TLK2: variants seen among roughly 807,000 people sequenced by gnomAD.
TLK2 encodes serine/threonine-protein kinase tousled-like 2.
Under a neutral mutation model 117.3 loss-of-function variants are expected in TLK2, and 6 were observed. The observed-to-expected ratio is 0.05, with a 90% CI of 0.03 to 0.10. The LOEUF (loss-of-function observed/expected upper bound fraction) is 0.10. TLK2 is among the 10% of genes least tolerant of loss of function. The pLI, the probability that TLK2 is intolerant of heterozygous loss-of-function variation, is 1.00. For missense variants in TLK2, 299 were observed against 901.2 expected, an observed-to-expected ratio of 0.33 and a Z score of 8.56; for synonymous variants, 257 against 316.7, an observed-to-expected ratio of 0.81 and a Z score of 2.00.
At chr17:62,509,337 C>T (rs2074969118) in intron 2 of TLK2, among the ~76,000 whole-genome samples, 1 of 152,174 alleles carries the variant, frequency 6.6e-6, no homozygotes, top group African/African-American at 2.4e-5. Context: ...AATCTTCCCT[C>T]CTCAGCCTCC....
chr17:62,609,546 A>G (rs2147309060), intron 21 of TLK2, among the ~76,000 whole-genome samples: 1 of 152,330 alleles, frequency 6.6e-6, no homozygotes, highest in African/African-American at 2.4e-5. Flanking sequence ...TTCCTGACTG[A>G]TGGCTCCCTG....
intron 15 of TLK2, among the ~76,000 whole-genome samples, chr17:62,581,614 T>G (rs914742814): frequency 6.6e-6 from 1 of 151,434 alleles, no homozygotes; most frequent in East Asian, 1.9e-4. Context: ...ATTTTTGTAT[T>G]TTTTTTTATA....
chr17:62,536,882 C>T lies in TLK2; in HGVS notation c.531+545C>T, dbSNP rs574525304. Among the ~76,000 whole-genome samples, 3 of 152,338 alleles carry T rather than the reference C, an allele frequency of 2.0e-5. No individual in the cohort carries two copies. The South Asian group carries it at 6.2e-4, about 32-fold the overall frequency. ...TTGGCTACCTGTTCGCTCCTTTCAG[C>T]TTACTTCTTTCTCTATCTTTGAAGA... On this transcript the variant is annotated intron_variant, in intron 7 of 21. Coordinates refer to ENST00000346027, the MANE Select transcript of TLK2 (RefSeq NM_006852.6).
intron 2 of TLK2, chr17:62,508,600 G>C: frequency 1.0e-6 from 1 of 961,426 alleles, no homozygotes; most frequent in South Asian, 4.8e-5. Flanking sequence ...AATGTTGTTA[G>C]TTATATGAAA....
chr17:62,502,390 T>A (rs1432015157), intron 2 of TLK2, among the ~76,000 whole-genome samples: 3 of 152,184 alleles, frequency 2.0e-5, no homozygotes, highest in Admixed American at 2.0e-4. Context: ...GAAGGGAACT[T>A]CTTTAATCTG....
At chr17:62,521,420 T>C (rs2076040338) in intron 3 of TLK2, among the ~76,000 whole-genome samples, 1 of 152,222 alleles carries the variant, frequency 6.6e-6, no homozygotes, top group East Asian at 1.9e-4. Context: ...TACAACTTTT[T>C]TCGAGACATG....
At chr17:62,559,771 C>G (rs762011768) in intron 9 of TLK2, among the ~76,000 whole-genome samples, 1 of 152,066 alleles carries the variant, frequency 6.6e-6, no homozygotes, top group Admixed American at 6.6e-5. Context: ...AAAATATGAT[C>G]AGTAGAAAAA....
chr17:62,500,996 T>G (rs929856500), intron 2 of TLK2, among the ~76,000 whole-genome samples: 2 of 152,150 alleles, frequency 1.3e-5, no homozygotes, highest in African/African-American at 4.8e-5. Flanking sequence ...CCCAGCACTT[T>G]GGGAGGCCGA....
chr17:62,591,768 G>A lies in TLK2; in HGVS notation c.1461-4817G>A, dbSNP rs1287823101. ...TTCCCTCAGCTTTTCTTTAGTTAGT[G>A]CTTTTCTTTGGTATACTGGAGTTTA... On this transcript the variant is annotated intron_variant, in intron 16 of 21. Transcript: ENST00000346027. 9.2e-5 allele frequency among the ~76,000 whole-genome samples: 14 copies of A among 152,080 alleles called. No individual in the cohort carries two copies. In the East Asian group the frequency reaches 1.9e-3, roughly 21 times the overall value.
intron 6 of TLK2, among the ~76,000 whole-genome samples, chr17:62,532,376 C>T (rs545698391): frequency 2.6e-5 from 4 of 152,156 alleles, no homozygotes; most frequent in Admixed American, 2.0e-4. Flanking sequence ...GCAGCTCGTT[C>T]TCCCATGCAG....
chr17:62,476,594 A>C (rs1225606957), upstream of TLK2, among the ~76,000 whole-genome samples: 2 of 151,484 alleles, frequency 1.3e-5, no homozygotes, highest in Non-Finnish European at 2.9e-5. Flanking sequence ...AAAATAAAAT[A>C]AAATAAAATA....
At position 62,586,238 on chromosome 17, in the gene TLK2, T is replaced by TTGAGTGTC. The variant is rs2081595377; in HGVS notation, c.1460+16_1460+23dup. 6.3e-7 allele frequency: 1 copy of TTGAGTGTC among 1,581,508 alleles called. No homozygotes were observed. ...GAGAATTACCACAAGTAAGTGATAC[T>TTGAGTGTC]TGAGTGTCTGACTTTTTAAAATTAA... is the stretch of plus-strand genomic sequence containing the variant. On this transcript the variant is annotated intron_variant, in intron 16 of 21. Coordinates refer to ENST00000346027, the MANE Select transcript of TLK2 (RefSeq NM_006852.6).
At chr17:62,587,944 A>G (rs754355517) in intron 16 of TLK2, among the ~76,000 whole-genome samples, 1 of 151,690 alleles carries the variant, frequency 6.6e-6, no homozygotes, top group Non-Finnish European at 1.5e-5. Context: ...ATTTTTATAC[A>G]TATACAGATG....
chr17:62,607,899 A>T, intron 20 of TLK2, 142 bp from the exon 21 acceptor site: 1 of 661,156 alleles, frequency 1.5e-6, no homozygotes, highest in Non-Finnish European at 2.6e-6. Context: ...AAGTGAGAGA[A>T]CTAGAGGGGA....
chr17:62,611,486 T>C lies in TLK2; in HGVS notation c.2080-906T>C, dbSNP rs1313109619. Among the ~76,000 whole-genome samples the C allele has an allele frequency of 4.6e-5, 7 of 152,214 alleles. No individual in the cohort carries two copies. The East Asian group carries it at 1.2e-3, about 25-fold the overall frequency. ...AAACTGAAAGTATAGAGTTCCCTTA[T>C]ACCGCCTGCTGTACCCATGCACAGC... is the stretch of plus-strand genomic sequence containing the variant. On this transcript the variant is annotated intron_variant, in intron 21 of 21. Coordinates refer to ENST00000346027, the MANE Select transcript of TLK2 (RefSeq NM_006852.6).
intron 2 of TLK2, among the ~76,000 whole-genome samples, chr17:62,517,915 C>T (rs1219941137): frequency 6.6e-6 from 1 of 151,392 alleles, no homozygotes; most frequent in African/African-American, 2.4e-5. Context: ...CCAGGCTGGT[C>T]TTGAACTCCT....
intron 7 of TLK2, among the ~76,000 whole-genome samples, chr17:62,540,002 G>A (rs974130146): frequency 6.6e-5 from 10 of 150,656 alleles, no homozygotes; most frequent in South Asian, 2.1e-4. Flanking sequence ...TTCCCCACCC[G>A]AAACCCATTT....
chr17:62,481,237 C>G, intron 2 of TLK2, 31 bp downstream of exon 2: 9 of 1,609,386 alleles, frequency 5.6e-6, no homozygotes, highest in Non-Finnish European at 7.7e-6. Context: ...GAACACTATT[C>G]ATATTCTAAT....
At chr17:62,564,965 G>T (rs2079632953) in intron 10 of TLK2, 36 bp from the exon 11 acceptor site, 1 of 1,583,372 alleles carries the variant, frequency 6.3e-7, no homozygotes, top group Non-Finnish European at 8.5e-7. Flanking sequence ...CATGCTAATT[G>T]GTATTGAATT....
Sources: gnomAD v4.1 joint callset for allele counts (sites outside exome capture counted in the v4.1 genomes callset) on GRCh38, gnomAD v4.1.1 for gene constraint, MANE v1.5 for transcripts, NCBI Gene and HGNC (gene_info 2026-07-23, HGNC 2026-07-21) for gene names.